CDH18: variants seen among roughly 807,000 people sequenced by gnomAD.
CDH18 encodes cadherin-18.
CDH18 carries 31 observed loss-of-function variants against 67.9 expected under a neutral mutation model. The ratio of observed to expected loss-of-function variants is 0.46; its 90% CI spans 0.34 to 0.62. CDH18 has a LOEUF of 0.62. Among genes scored for constraint, CDH18 ranks in the 20% least tolerant of loss-of-function variants. The pLI is 0.01. For synonymous variants in CDH18, 362 were observed against 347.2 expected (o/e 1.04, Z -0.48); for missense variants, 890 against 975.5 (o/e 0.91, Z 1.17).
chr5:20,413,501 C>T (rs1746978745), intron 1 of CDH18, among the ~76,000 whole-genome samples: 1 of 152,094 alleles, frequency 6.6e-6, no homozygotes, highest in Non-Finnish European at 1.5e-5. Context: ...AATGATAGCC[C>T]TTCCAACTGG....
intron 1 of CDH18, among the ~76,000 whole-genome samples, chr5:19,981,906 TC>T (rs1489219975): frequency 1.3e-5 from 2 of 152,146 alleles, no homozygotes; most frequent in African/African-American, 4.8e-5. Context: ...TTTTTCTGCA[TC>T]CCTTTTTCAT....
intron 2 of CDH18, among the ~76,000 whole-genome samples, chr5:20,187,128 G>A (rs1236675689): frequency 6.6e-6 from 1 of 151,838 alleles, no homozygotes; most frequent in Non-Finnish European, 1.5e-5. Context: ...GATGCCAGGG[G>A]CTGGAGAAGG....
intron 1 of CDH18, among the ~76,000 whole-genome samples, chr5:20,454,379 G>T (rs531811080): frequency 3.4e-4 from 51 of 151,976 alleles, no homozygotes; most frequent in African/African-American, 1.2e-3. Context: ...ATGTAATAAA[G>T]ATTACAAAAA....
chr5:19,521,189 T>G (rs747786632), intron 9 of CDH18, among the ~76,000 whole-genome samples: 3 of 152,128 alleles, frequency 2.0e-5, no homozygotes, highest in Non-Finnish European at 4.4e-5. Context: ...CTAACTAAAC[T>G]CAAAGAAAAC....
At chr5:20,341,908 T>G (rs531638725) in intron 1 of CDH18, among the ~76,000 whole-genome samples, 18 of 152,256 alleles carry the variant, frequency 1.2e-4, no homozygotes, top group African/African-American at 4.3e-4. Flanking sequence ...TTGATCATAT[T>G]TGGAGGACCA....
intron 1 of CDH18, among the ~76,000 whole-genome samples, chr5:20,541,957 G>A (rs1490508842): frequency 6.6e-6 from 1 of 152,012 alleles, no homozygotes; most frequent in African/African-American, 2.4e-5. Context: ...GTTGTTTTTT[G>A]TTTTTTGAGA....
At chr5:20,052,483 G>GA (rs539759814) in intron 2 of CDH18, among the ~76,000 whole-genome samples, 62 of 152,002 alleles carry the variant, frequency 4.1e-4, no homozygotes, top group South Asian at 1.5e-3. Context: ...ATTTATATCA[G>GA]AAAAAAGGTA....
chr5:20,459,180 G>C (rs566960931), intron 1 of CDH18, among the ~76,000 whole-genome samples: 10 of 152,274 alleles, frequency 6.6e-5, no homozygotes, highest in South Asian at 6.2e-4. Context: ...CCAAAAACTG[G>C]GGGAGGGAAT....
intron 5 of CDH18, among the ~76,000 whole-genome samples, chr5:19,644,582 T>C (rs934860944): frequency 6.6e-5 from 10 of 152,262 alleles, no homozygotes; most frequent in Non-Finnish European, 1.2e-4. Flanking sequence ...ATGTGGGTCA[T>C]AGCTAGAAAG....
chr5:19,789,249 A>G (rs1298952936), intron 3 of CDH18, among the ~76,000 whole-genome samples: 4 of 152,180 alleles, frequency 2.6e-5, no homozygotes, highest in African/African-American at 9.6e-5. Flanking sequence ...AAGTTACTTA[A>G]CCTTACTGGG....
At chr5:20,442,919 G>A (rs1257819301) in intron 1 of CDH18, among the ~76,000 whole-genome samples, 9 of 151,866 alleles carry the variant, frequency 5.9e-5, no homozygotes, top group Non-Finnish European at 1.3e-4. Context: ...TAATACAAAA[G>A]TATATCTTGG....
chr5:20,345,571 G>C (rs572203325), intron 1 of CDH18, among the ~76,000 whole-genome samples: 1 of 151,574 alleles, frequency 6.6e-6, no homozygotes, highest in South Asian at 2.1e-4. Context: ...ATTGTTTAAC[G>C]TCTGCTTATA....
intron 2 of CDH18, among the ~76,000 whole-genome samples, chr5:20,236,771 A>T (rs1252833702): frequency 6.6e-6 from 1 of 152,058 alleles, no homozygotes; most frequent in Non-Finnish European, 1.5e-5. Context: ...AAGAAATCAA[A>T]CAAATACTAC....
In CDH18 at chr5:20,441,423, G is replaced by A. The variant is rs570332439; in HGVS notation, c.-580+134039C>T. Among the ~76,000 whole-genome samples the A allele has an allele frequency of 2.9e-4, 44 of 151,524 alleles. 1 individual carries two copies. The highest frequency in any genetic ancestry group is 8.0e-4 in the African/African-American group (33 of 40,996). ...ACTGGTACAGGAATGATGTGTGTGC[G>A]TCTGTGTGTGCCTGTGTGTTTAGTT... On this transcript the variant is annotated intron_variant, in intron 1 of 14. Coordinates refer to the CDH18 transcript ENST00000507958.
chr5:19,854,778 A>T (rs2149945748), intron 2 of CDH18, among the ~76,000 whole-genome samples: 1 of 151,812 alleles, frequency 6.6e-6, no homozygotes, highest in South Asian at 2.1e-4. Context: ...TTAACTTTTT[A>T]ATTTTTTTAG....
intron 1 of CDH18, among the ~76,000 whole-genome samples, chr5:20,521,887 G>GA (rs1000510940): frequency 4.0e-5 from 6 of 151,328 alleles, no homozygotes; most frequent in Non-Finnish European, 7.4e-5. Context: ...AATAAAACCT[G>GA]AAAAAAAACC....
At chr5:19,942,599 CAAGT>C (rs1379818015) in intron 2 of CDH18, among the ~76,000 whole-genome samples, 1 of 152,136 alleles carries the variant, frequency 6.6e-6, no homozygotes, top group East Asian at 1.9e-4. Context: ...TTTCCTGAAA[CAAGT>C]AAGCCCACAG....
chr5:20,369,637 G>A (rs7734222), intron 1 of CDH18, among the ~76,000 whole-genome samples: 54,747 of 152,022 alleles, frequency 0.36, 12,199 homozygotes, highest in African/African-American at 0.63. Context: ...ATAATTTAAG[G>A]AAATGCTTGT....
At chr5:19,606,277 T>G (rs911315279) in intron 6 of CDH18, among the ~76,000 whole-genome samples, 2 of 152,126 alleles carry the variant, frequency 1.3e-5, no homozygotes, top group Non-Finnish European at 1.5e-5. Context: ...TATGTAATGT[T>G]CAATCAGTAA....
Sources: allele counts gnomAD v4.1 joint callset (sites outside exome capture counted in the v4.1 genomes callset), GRCh38; gene constraint gnomAD v4.1.1; transcripts MANE v1.5; gene names NCBI Gene and HGNC (gene_info 2026-07-23, HGNC 2026-07-21).